The following GLB1 variants were observed in gnomAD, a reference collection of about 807,000 sequenced individuals.
GLB1 encodes the protein beta-galactosidase.
GLB1 carries 56 observed loss-of-function variants against 74.0 expected under a neutral mutation model. The observed-to-expected ratio is 0.76, with a 90% CI of 0.61 to 0.94. The LOEUF is 0.94. Among genes scored for constraint, GLB1 ranks in the 40% least tolerant of loss-of-function variants. The probability of loss-of-function intolerance (pLI) is 0.00; values close to 1 mark genes in which losing one functional copy is unlikely to be tolerated. For missense variants in GLB1, 787 were observed against 845.5 expected, an observed-to-expected ratio of 0.93 and a Z score of 0.86; for synonymous variants, 323 against 323.6, an observed-to-expected ratio of 1.00 and a Z score of 0.02.
chr3:33,057,954 C>T, intron 6 of GLB1, 135 bp downstream of exon 6: 2 of 1,210,012 alleles, frequency 1.7e-6, no homozygotes, highest in Non-Finnish European at 1.2e-6. Flanking sequence ...GTATTCTATT[C>T]TACCTGTTCC....
chr3:33,094,483 G>A (rs1038990500), intron 1 of GLB1, among the ~76,000 whole-genome samples: 2 of 152,186 alleles, frequency 1.3e-5, no homozygotes, highest in Admixed American at 6.5e-5. Context: ...GACATGATGG[G>A]CAGTTTTCAT....
Position 33,021,649 on chromosome 3 carries a change from T to C in GLB1, c.1150A>G (p.Thr384Ala). 2 of 1,613,816 alleles carry C rather than the reference T, an allele frequency of 1.2e-6. No homozygotes were observed. The highest frequency in any genetic ancestry group is 1.7e-6 in the Non-Finnish European group (2 of 1,179,892). The change falls in exon 12 of 16, where the codon ACA (threonine) becomes GCA (alanine). Residue 384 changes from threonine to alanine, a missense_variant. Thr to Ala is a moderately conservative substitution (Grantham distance 58, BLOSUM62 0). Transcript: ENST00000307363. ...YGKVTLEKLKTVGAALDILCP... is the reference protein window; with the variant it reads ...YGKVTLEKLKAVGAALDILCP... ...AGAATGTCCAGAGCTGCTCCCACTG[T>C]CTTTAACTGAAAAGAAACAAAAGCA...
At chr3:32,977,351 G>A in the GLB1 span, among the ~76,000 whole-genome samples, 9,677 of 151,726 alleles carry the variant, frequency 0.064, 422 homozygotes, top group Non-Finnish European at 0.097. Flanking sequence ...GATTACAGGC[G>A]CCCACCACCA....
At chr3:33,063,206 C>T (rs770398788) in intron 5 of GLB1, among the ~76,000 whole-genome samples, 11 of 151,924 alleles carry the variant, frequency 7.2e-5, no homozygotes, top group Non-Finnish European at 1.6e-4. Context: ...AAAAGCCACA[C>T]AGAAAATAGG....
intron 15 of GLB1, among the ~76,000 whole-genome samples, chr3:33,008,955 A>C (rs1696896221): frequency 6.6e-6 from 1 of 151,794 alleles, no homozygotes; most frequent in African/African-American, 2.4e-5. Context: ...CCCCGTCTCT[A>C]CTAAAAATAC....
chr3:33,048,187 C>G (rs992817079), intron 9 of GLB1, among the ~76,000 whole-genome samples: 1 of 152,128 alleles, frequency 6.6e-6, no homozygotes, highest in Non-Finnish European at 1.5e-5. Flanking sequence ...AGTGTGACCT[C>G]TAGAAGCACA....
chr3:32,965,051 T>C, the GLB1 span, among the ~76,000 whole-genome samples: 1 of 152,178 alleles, frequency 6.6e-6, no homozygotes, highest in Non-Finnish European at 1.5e-5. Flanking sequence ...TGGAACTGAG[T>C]CTGTGAAACC....
intron 12 of GLB1, 86 bp from the exon 13 acceptor site, chr3:33,018,647 T>C: frequency 7.1e-7 from 1 of 1,400,348 alleles, no homozygotes; most frequent in Non-Finnish European, 1.0e-6. Flanking sequence ...ATGAAAGCGA[T>C]GTTTCTCAAA....
At chr3:33,010,081 A>T (rs1478854931) in intron 15 of GLB1, among the ~76,000 whole-genome samples, 1 of 152,148 alleles carries the variant, frequency 6.6e-6, no homozygotes, top group Non-Finnish European at 1.5e-5. Flanking sequence ...TTATGTGAAC[A>T]TGTTTTCCTT....
At chr3:33,077,308 G>C in intron 1 of GLB1, 1 of 1,570,390 alleles carries the variant, frequency 6.4e-7, no homozygotes, top group Non-Finnish European at 8.7e-7. Flanking sequence ...TTAGGATTAA[G>C]AGGCATACAC....
chr3:33,037,366 A>T (rs1024945467), intron 10 of GLB1, among the ~76,000 whole-genome samples: 4 of 152,122 alleles, frequency 2.6e-5, no homozygotes, highest in African/African-American at 7.2e-5. Context: ...ATAATATAAC[A>T]AAAAACATTG....
intron 5 of GLB1, among the ~76,000 whole-genome samples, chr3:33,063,472 A>G (rs1344038218): frequency 6.6e-6 from 1 of 152,210 alleles, no homozygotes; most frequent in Admixed American, 6.6e-5. Context: ...GGCAGGACCC[A>G]GGGTCAAGTT....
chr3:33,006,419 C>T (rs1044884943), intron 15 of GLB1, among the ~76,000 whole-genome samples: 1 of 149,874 alleles, frequency 6.7e-6, no homozygotes, highest in African/African-American at 2.5e-5. Flanking sequence ...ACCATTTCCA[C>T]CCCCCCACCC....
intron 10 of GLB1, among the ~76,000 whole-genome samples, chr3:33,028,823 G>A (rs753585036): frequency 6.6e-6 from 1 of 151,894 alleles, no homozygotes; most frequent in Non-Finnish European, 1.5e-5. Flanking sequence ...GCACCACCAC[G>A]CCTGGCTAAT....
rs775847273 is a variant in GLB1 at position 33,021,601 on chromosome 3, T to G, written c.1198A>C (p.Ser400Arg). 1 of 1,613,974 alleles carries G rather than the reference T, an allele frequency of 6.2e-7. No individual in the cohort carries two copies. The highest frequency in any genetic ancestry group is 1.3e-5 in the African/African-American group (1 of 74,942). ...TGGATAAATGTCAAGGGATAAAGGC[T>G]TTTGATGGGCCCAGAGGGACACAGA... ...DILCPSGPIKSLYPLTFIQVK... is the reference protein window; with the variant it reads ...DILCPSGPIKRLYPLTFIQVK... The change falls in exon 12 of 16, where the codon AGC (serine) becomes CGC (arginine). Residue 400 changes from serine (S) to arginine (R), a missense_variant. Physicochemically the swap from Ser to Arg is moderately radical, Grantham distance 110 (BLOSUM62 -1). Transcript: ENST00000307363.
intron 6 of GLB1, among the ~76,000 whole-genome samples, chr3:33,057,246 C>T (rs1699259555): frequency 2.0e-5 from 3 of 152,186 alleles, no homozygotes; most frequent in Admixed American, 6.5e-5. Flanking sequence ...TGCCTTCTGC[C>T]ATGATTTTAA....
At chr3:32,998,469 A>G (rs1362789162) in intron 15 of GLB1, among the ~76,000 whole-genome samples, 4 of 151,646 alleles carry the variant, frequency 2.6e-5, no homozygotes, top group Non-Finnish European at 5.9e-5. Flanking sequence ...AGATTGCGCC[A>G]CTGCACTCTA....
chr3:32,986,608 T>C, the GLB1 span, among the ~76,000 whole-genome samples: 5 of 143,548 alleles, frequency 3.5e-5, no homozygotes, highest in Non-Finnish European at 6.1e-5. Flanking sequence ...TTTTTTTTTT[T>C]GAGATGGAGT....
At chr3:33,045,152 T>C (rs1028427139) in intron 10 of GLB1, among the ~76,000 whole-genome samples, 1 of 152,180 alleles carries the variant, frequency 6.6e-6, no homozygotes. Flanking sequence ...ATGGCTTACA[T>C]ACGTTCTTTT....
Sources: gnomAD v4.1 joint callset for allele counts (sites outside exome capture counted in the v4.1 genomes callset) on GRCh38, gnomAD v4.1.1 for gene constraint, MANE v1.5 for transcripts, NCBI Gene and HGNC (gene_info 2026-07-23, HGNC 2026-07-21) for gene names.